Variants in KIF1B observed in about 807,000 individuals in gnomAD.
The protein encoded by KIF1B is kinesin family member 1B, also known as kinesin-like protein KIF1B.
In KIF1B, 76 loss-of-function variants were observed where a neutral mutation model predicts 241.9. That is an observed-to-expected ratio of 0.31 (90% CI 0.26 to 0.38). The LOEUF (loss-of-function observed/expected upper bound fraction) is 0.38, where lower values mean the gene tolerates loss of function less well. Ranked by LOEUF, KIF1B falls within the 10% of genes least tolerant of loss-of-function variation. The pLI is 1.00. For missense variants in KIF1B, 1,622 were observed against 2,271.4 expected, an observed-to-expected ratio of 0.71 and a Z score of 5.81; for synonymous variants, 750 against 796.7, an observed-to-expected ratio of 0.94 and a Z score of 0.99.
At chr1:10,332,298 TCA>T (rs1241707792) in intron 27 of KIF1B, among the ~76,000 whole-genome samples, 2 of 151,984 alleles carry the variant, frequency 1.3e-5, no homozygotes, top group Non-Finnish European at 2.9e-5. Flanking sequence ...ACTCCTGACC[TCA>T]GGTGACCCGC....
At chr1:10,332,015 C>T (rs1359633771) in intron 27 of KIF1B, among the ~76,000 whole-genome samples, 27 of 152,294 alleles carry the variant, frequency 1.8e-4, no homozygotes, top group Admixed American at 1.7e-3. Flanking sequence ...TAGGAGCAAA[C>T]GCAAACCTTT....
chr1:10,277,948 T>C (rs752327133), intron 12 of KIF1B, 38 bp from the exon 13 acceptor site: 4 of 1,591,776 alleles, frequency 2.5e-6, no homozygotes, highest in Non-Finnish European at 3.4e-6. Flanking sequence ...GTAGAACATA[T>C]GAGAAATGAC....
intron 2 of KIF1B, among the ~76,000 whole-genome samples, chr1:10,233,570 T>G (rs1647009798): frequency 1.3e-5 from 2 of 152,180 alleles, no homozygotes; most frequent in African/African-American, 4.8e-5. Context: ...TAGTTCACTC[T>G]TCTATGTCAA....
chr1:10,218,323 T>C (rs1646795719), intron 1 of KIF1B, among the ~76,000 whole-genome samples: 1 of 152,308 alleles, frequency 6.6e-6, no homozygotes, highest in South Asian at 2.1e-4. Flanking sequence ...CCTTGAACTT[T>C]TGGCTACTTC....
rs553915855 is a variant in KIF1B at position 10,303,062 on chromosome 1, G to A, written c.2115+5816G>A. 7.1e-7 allele frequency: 1 copy of A among 1,404,560 alleles called. No homozygotes were observed. Among genetic ancestry groups the A allele is most frequent in the South Asian group, 1.4e-5 (1 of 72,120 alleles). The allele number at this position is 1,404,560 out of a possible 1,614,324, so 87.0% of individuals were successfully genotyped here. A position where few individuals can be genotyped will look rare whatever the true frequency, so the allele number is the denominator to read the frequency against. ...TTTTTTGGTCTTATTTTTAAATTTG[G>A]TTAAGGCTTTTTTGCTTGCTTTTTC... On this transcript the variant is annotated intron_variant, in intron 22 of 48. Transcript: ENST00000676179. The surrounding 1 kb of genome is among the most constrained non-coding windows in gnomAD (Gnocchi z 5.2).
In KIF1B at chr1:10,342,105, T is replaced by C; in HGVS notation, c.3569T>C (p.Val1190Ala). 2 of 1,613,994 alleles carry C rather than the reference T, an allele frequency of 1.2e-6. No homozygotes were observed. Among genetic ancestry groups the C allele is most frequent in the Non-Finnish European group, 1.7e-6 (2 of 1,179,830 alleles). The change falls in exon 33 of 49, where the codon GTA becomes GCA. Residue 1190 changes from valine (V) to alanine (A), a missense_variant. Val to Ala is a moderately conservative substitution (Grantham distance 64, BLOSUM62 0). Around this residue, in one of 7 missense-constraint regions of KIF1B, gnomAD observed 803 missense variants for 1,112.0 expected, o/e 0.72. Coordinates refer to ENST00000676179, the MANE Select transcript of KIF1B (RefSeq NM_001365951.3). ...GATTACATCAAAACCAAGCCTATTG[T>C]ATTTGAAGTCTTTGGGCATTATCAG... ...FVDYIKTKPI[V>A]FEVFGHYQQH...
intron 15 of KIF1B, among the ~76,000 whole-genome samples, chr1:10,287,498 G>T (rs1340458476): frequency 2.0e-5 from 3 of 152,154 alleles, no homozygotes; most frequent in African/African-American, 7.2e-5. Context: ...CAGCCCTGAA[G>T]TTGTGCTAAT....
At chr1:10,245,441 C>T (rs1647196928) in intron 2 of KIF1B, among the ~76,000 whole-genome samples, 1 of 152,056 alleles carries the variant, frequency 6.6e-6, no homozygotes, top group African/African-American at 2.4e-5. Context: ...TCAAGTCAGC[C>T]TTTATGGAAA....
intron 25 of KIF1B, 41 bp downstream of exon 25, chr1:10,324,103 A>G (rs769366367): frequency 1.3e-6 from 2 of 1,591,460 alleles, no homozygotes; most frequent in Admixed American, 1.7e-5. Flanking sequence ...TTATTTAGGA[A>G]ATAACAATGA....
At chr1:10,259,136 ACT>A (rs1309075691) in intron 4 of KIF1B, among the ~76,000 whole-genome samples, 3 of 142,642 alleles carry the variant, frequency 2.1e-5, no homozygotes, top group Non-Finnish European at 4.6e-5. Flanking sequence ...AACTTCAAAC[ACT>A]CTGAGATTCT....
intron 22 of KIF1B, among the ~76,000 whole-genome samples, chr1:10,313,582 G>A (rs1238816396): frequency 6.4e-5 from 8 of 125,434 alleles, no homozygotes; most frequent in Admixed American, 2.0e-4. Context: ...ATGGAGTCTC[G>A]CTCTGTCGCC....
intron 22 of KIF1B, among the ~76,000 whole-genome samples, chr1:10,314,108 T>C (rs1651198988): frequency 6.6e-6 from 1 of 151,140 alleles, no homozygotes; most frequent in African/African-American, 2.5e-5. Flanking sequence ...GCCAGGCTGG[T>C]CTCGAACTCC....
At chr1:10,320,198 G>A in intron 23 of KIF1B, 62 bp downstream of exon 23, 1 of 1,113,818 alleles carries the variant, frequency 9.0e-7, no homozygotes, top group East Asian at 2.4e-5. Context: ...TATCAAATTA[G>A]TCATTTATGC....
chr1:10,313,548 ATTTTTTT>A (rs33994083), intron 22 of KIF1B, among the ~76,000 whole-genome samples: 1 of 121,410 alleles, frequency 8.2e-6, no homozygotes, highest in Non-Finnish European at 1.7e-5. Context: ...ACTAGTTAGG[ATTTTTTT>A]TTTTTTTTTT....
intron 2 of KIF1B, among the ~76,000 whole-genome samples, chr1:10,235,753 TC>T (rs1647041594): frequency 1.3e-5 from 2 of 150,468 alleles, no homozygotes; most frequent in Admixed American, 1.3e-4. Flanking sequence ...TCTCAGCTAC[TC>T]AGGAGGCTGA....
intron 15 of KIF1B, among the ~76,000 whole-genome samples, chr1:10,284,995 G>A (rs1569705985): frequency 1.3e-5 from 2 of 152,230 alleles, no homozygotes; most frequent in African/African-American, 4.8e-5. Context: ...GTTGTAGGCT[G>A]CAGGGTAACT....
intron 34 of KIF1B, chr1:10,345,566 A>C: frequency 2.5e-6 from 1 of 404,530 alleles, no homozygotes; most frequent in Admixed American, 3.8e-5. Flanking sequence ...TTTCATGAGC[A>C]CATTTATTCT....
At chr1:10,313,611 C>T (rs1413988643) in intron 22 of KIF1B, among the ~76,000 whole-genome samples, 9 of 135,638 alleles carry the variant, frequency 6.6e-5, no homozygotes, top group African/African-American at 2.3e-4. Context: ...AGTGCAGTGG[C>T]GCAATCTCGG....
intron 2 of KIF1B, among the ~76,000 whole-genome samples, chr1:10,242,555 C>T (rs1199397761): frequency 6.6e-6 from 1 of 152,118 alleles, no homozygotes; most frequent in Non-Finnish European, 1.5e-5. Context: ...CTTGCCCTGT[C>T]ACCCAGGCTG....
Sources: allele counts gnomAD v4.1 joint callset (sites outside exome capture counted in the v4.1 genomes callset), GRCh38; gene constraint gnomAD v4.1.1; regional missense constraint gnomAD v4.1.1; non-coding constraint Gnocchi (gnomAD v3.1); transcripts MANE v1.5; gene names NCBI Gene and HGNC (gene_info 2026-07-23, HGNC 2026-07-21).